KDM4C: variants seen among roughly 807,000 people sequenced by gnomAD.
KDM4C encodes lysine-specific demethylase 4C.
A neutral mutation model predicts 129.3 loss-of-function variants in KDM4C; 81 were observed. The observed-to-expected ratio is 0.63, with a 90% CI of 0.52 to 0.75. KDM4C has a LOEUF of 0.75. Ranked by LOEUF, KDM4C falls within the 30% of genes least tolerant of loss-of-function variation. KDM4C has a pLI of 0.00. For missense variants in KDM4C, 1,457 were observed against 1,304.0 expected (o/e 1.12, Z -1.81); for synonymous variants, 573 against 456.1 (o/e 1.26, Z -3.26).
chr9:6,983,198 C>T (rs912383328), intron 9 of KDM4C, among the ~76,000 whole-genome samples: 1 of 152,064 alleles, frequency 6.6e-6, no homozygotes, highest in Non-Finnish European at 1.5e-5. Context: ...TATTCTCTGC[C>T]CTCCCTGACT....
intron 17 of KDM4C, among the ~76,000 whole-genome samples, chr9:7,056,002 C>A (rs1033575268): frequency 1.6e-4 from 24 of 152,186 alleles, no homozygotes; most frequent in Admixed American, 1.3e-4. Flanking sequence ...CAGAAAAAGT[C>A]AGTATGTTCC....
At chr9:7,172,754 G>C (rs78047002) in intron 21 of KDM4C, among the ~76,000 whole-genome samples, 5,414 of 152,248 alleles carry the variant, frequency 0.036, 151 homozygotes, top group East Asian at 0.15. Flanking sequence ...CTGTTTTCTT[G>C]TTTTTCTCTT....
intron 3 of KDM4C, among the ~76,000 whole-genome samples, chr9:6,808,992 C>T (rs1015280817): frequency 8.6e-5 from 13 of 151,778 alleles, no homozygotes; most frequent in African/African-American, 2.9e-4. Flanking sequence ...TTCCAAATTC[C>T]CTGGATGGGT....
At chr9:7,164,543 G>T (rs1017169480) in intron 19 of KDM4C, among the ~76,000 whole-genome samples, 1 of 152,222 alleles carries the variant, frequency 6.6e-6, no homozygotes, top group African/African-American at 2.4e-5. Flanking sequence ...CATTTATGTA[G>T]GGGGGTCCAG....
At chr9:6,785,527 C>A (rs1017213509) in intron 1 of KDM4C, among the ~76,000 whole-genome samples, 1 of 152,022 alleles carries the variant, frequency 6.6e-6, no homozygotes, top group African/African-American at 2.4e-5. Context: ...TTAGTAGAGA[C>A]AGGGTTTTGC....
At chr9:6,824,937 A>T (rs754262765) in intron 4 of KDM4C, among the ~76,000 whole-genome samples, 1 of 152,070 alleles carries the variant, frequency 6.6e-6, no homozygotes, top group African/African-American at 2.4e-5. Context: ...TGAGGTCAAG[A>T]GTTCGAGACC....
intron 8 of KDM4C, among the ~76,000 whole-genome samples, chr9:6,967,469 A>G (rs1831197239): frequency 6.6e-6 from 1 of 151,910 alleles, no homozygotes; most frequent in African/African-American, 2.4e-5. Flanking sequence ...AAAGGAAGAT[A>G]TGCAAGATTA....
chr9:6,874,131 A>T (rs1843224193), intron 5 of KDM4C, among the ~76,000 whole-genome samples: 1 of 152,246 alleles, frequency 6.6e-6, no homozygotes, highest in Non-Finnish European at 1.5e-5. Flanking sequence ...AAAGATTGAA[A>T]TGTGAGAATT....
intron 17 of KDM4C, among the ~76,000 whole-genome samples, chr9:7,062,429 C>G (rs1411894592): frequency 2.0e-5 from 3 of 152,106 alleles, no homozygotes; most frequent in Admixed American, 6.5e-5. Flanking sequence ...GCTCTGTTGC[C>G]CAGGCTGGAG....
At chr9:6,767,459 G>A (rs1820864713) in intron 1 of KDM4C, among the ~76,000 whole-genome samples, 1 of 150,928 alleles carries the variant, frequency 6.6e-6, no homozygotes, top group Non-Finnish European at 1.5e-5. Flanking sequence ...TTTTGAGACG[G>A]TGTCTTGATC....
intron 8 of KDM4C, among the ~76,000 whole-genome samples, chr9:6,944,267 G>A (rs1826471367): frequency 6.6e-6 from 1 of 152,218 alleles, no homozygotes; most frequent in African/African-American, 2.4e-5. Context: ...AGTGCAGGAA[G>A]TGCTTAATAT....
intron 17 of KDM4C, among the ~76,000 whole-genome samples, chr9:7,102,411 G>C (rs1165318849): frequency 1.4e-5 from 2 of 145,276 alleles, no homozygotes; most frequent in Admixed American, 7.3e-5. Context: ...TGAGATTCGT[G>C]TTGTAAAGAA....
At chr9:7,111,001 G>A (rs1311156857) in intron 18 of KDM4C, among the ~76,000 whole-genome samples, 2 of 152,072 alleles carry the variant, frequency 1.3e-5, no homozygotes, top group Non-Finnish European at 1.5e-5. Flanking sequence ...ATATATGTAG[G>A]GACCATGAAG....
At chr9:6,868,178 G>A (rs143407158) in intron 5 of KDM4C, among the ~76,000 whole-genome samples, 1 of 152,054 alleles carries the variant, frequency 6.6e-6, no homozygotes, top group Admixed American at 6.6e-5. Context: ...AAAGCCCCCC[G>A]AGAGAAAGAA....
chr9:6,755,592 C>G (rs545533103), upstream of KDM4C, among the ~76,000 whole-genome samples: 3 of 152,286 alleles, frequency 2.0e-5, no homozygotes, highest in African/African-American at 4.8e-5. Flanking sequence ...CAAGTATTGT[C>G]TCTGAGGTGA....
intron 1 of KDM4C, among the ~76,000 whole-genome samples, chr9:6,735,406 T>C (rs1383140715): frequency 1.3e-5 from 2 of 152,212 alleles, no homozygotes; most frequent in Admixed American, 6.5e-5. Context: ...TGATATGCTT[T>C]GGCTGTGTCC....
At chr9:6,759,237 A>ACT (rs1423254360) in intron 1 of KDM4C, among the ~76,000 whole-genome samples, 1 of 152,106 alleles carries the variant, frequency 6.6e-6, no homozygotes, top group Non-Finnish European at 1.5e-5. Context: ...TTCACACTAA[A>ACT]CTCTGCCCTA....
intron 8 of KDM4C, chr9:6,925,435 C>G (rs538270832): frequency 1.1e-6 from 1 of 927,400 alleles, no homozygotes; most frequent in African/African-American, 1.8e-5. Context: ...CTCCTTTCCC[C>G]TTTTCCTCTT....
At chr9:6,732,797 G>T (rs1817395732) in intron 1 of KDM4C, among the ~76,000 whole-genome samples, 1 of 152,176 alleles carries the variant, frequency 6.6e-6, no homozygotes. Context: ...CAGATCATTT[G>T]AGGTCAGGAG....
Sources: gnomAD v4.1 joint callset for allele counts (sites outside exome capture counted in the v4.1 genomes callset) on GRCh38, gnomAD v4.1.1 for gene constraint, MANE v1.5 for transcripts, NCBI Gene and HGNC (gene_info 2026-07-23, HGNC 2026-07-21) for gene names.